CXCL13: variants seen among roughly 807,000 people sequenced by gnomAD.
CXCL13 encodes C-X-C motif chemokine ligand 13, also known as C-X-C motif chemokine 13.
CXCL13 carries 7 observed loss-of-function variants against 12.2 expected under a neutral mutation model. That is an observed-to-expected ratio of 0.57 (90% CI 0.33 to 1.07). The LOEUF (loss-of-function observed/expected upper bound fraction) is 1.07, where lower values mean the gene tolerates loss of function less well. Among genes scored for constraint, CXCL13 ranks in the 50% least tolerant of loss-of-function variants. CXCL13 has a pLI of 0.04. For missense variants in CXCL13, 113 were observed against 127.4 expected (o/e 0.89, Z 0.55); for synonymous variants, 47 against 42.4 (o/e 1.11, Z -0.42).
chr4:77,597,582 G>A (rs145640500), intron 1 of CXCL13, among the ~76,000 whole-genome samples: 3 of 152,126 alleles, frequency 2.0e-5, no homozygotes, highest in African/African-American at 7.2e-5. Flanking sequence ...AAGTAAAAAA[G>A]TTCTTTCCCA....
At chr4:77,518,227 AT>A (rs1482085029) in intron 1 of CXCL13, among the ~76,000 whole-genome samples, 2 of 151,818 alleles carry the variant, frequency 1.3e-5, no homozygotes, top group African/African-American at 4.8e-5. Flanking sequence ...TGCCCTTAAC[AT>A]TTTTTCCTTC....
chr4:77,521,152 C>G (rs180969294), intron 1 of CXCL13, among the ~76,000 whole-genome samples: 1 of 152,178 alleles, frequency 6.6e-6, no homozygotes, highest in African/African-American at 2.4e-5. Context: ...CACGGGTGTT[C>G]ATCAGGGATA....
chr4:77,512,604 T>G (rs1338239044), intron 1 of CXCL13, among the ~76,000 whole-genome samples: 1 of 152,122 alleles, frequency 6.6e-6, no homozygotes, highest in Non-Finnish European at 1.5e-5. Flanking sequence ...AGGACACCAG[T>G]CATATTGGAT....
At chr4:77,557,440 G>A (rs144369337) in intron 1 of CXCL13, among the ~76,000 whole-genome samples, 257 of 152,220 alleles carry the variant, frequency 1.7e-3, no homozygotes, top group Non-Finnish European at 3.1e-3. Context: ...AGAAACTGCC[G>A]TCAACCTCCC....
At chr4:77,559,443 C>T (rs1018102699) in intron 1 of CXCL13, among the ~76,000 whole-genome samples, 14 of 152,152 alleles carry the variant, frequency 9.2e-5, no homozygotes, top group Middle Eastern at 3.2e-3. Context: ...TGGATGTGGA[C>T]GACCTTGAGA....
At chr4:77,545,973 G>T (rs888767764) in intron 1 of CXCL13, among the ~76,000 whole-genome samples, 6 of 152,146 alleles carry the variant, frequency 3.9e-5, no homozygotes, top group African/African-American at 1.4e-4. Flanking sequence ...GTTGAATTTT[G>T]TTGTAGGTCT....
chr4:77,606,003 T>A, intron 1 of CXCL13, 74 bp downstream of exon 1: 1 of 1,061,332 alleles, frequency 9.4e-7, no homozygotes, highest in Non-Finnish European at 1.4e-6. Flanking sequence ...TTCTTTCGAT[T>A]AAAAACCGCA....
chr4:77,559,353 G>GA (rs111347029), intron 1 of CXCL13, among the ~76,000 whole-genome samples: 3 of 152,280 alleles, frequency 2.0e-5, no homozygotes, highest in African/African-American at 7.2e-5. Context: ...GGCCATTTCT[G>GA]AAAATGGAAT....
chr4:77,549,190 G>T (rs1177016247), intron 1 of CXCL13, among the ~76,000 whole-genome samples: 1 of 152,174 alleles, frequency 6.6e-6, no homozygotes, highest in Non-Finnish European at 1.5e-5. Flanking sequence ...GCTCCGTCAG[G>T]TCATTTAAGG....
chr4:77,519,511 G>A (rs1466756723), intron 1 of CXCL13, among the ~76,000 whole-genome samples: 1 of 152,160 alleles, frequency 6.6e-6, no homozygotes, highest in South Asian at 2.1e-4. Flanking sequence ...CTGCATAAAT[G>A]TCCTCTTTTG....
In CXCL13 at chr4:77,524,661, T is replaced by A. The variant is rs183342353; in HGVS notation, c.-43+12873T>A. On this transcript the variant is annotated intron_variant, in intron 1 of 4. Coordinates refer to the CXCL13 transcript ENST00000286758. The stretch of plus-strand genomic sequence containing the variant: ...TTGGCTAGGAAAGGGAAATCCCCTG[T>A]CCCCTTGCACTTCCCGGGTGAGGCT... Among the ~76,000 whole-genome samples, 1,153 of 152,168 alleles carry A rather than the reference T, an allele frequency of 7.6e-3. 14 individuals carry two copies. Among genetic ancestry groups the A allele is most frequent in the African/African-American group, 0.025 (1,041 of 41,472 alleles).
At chr4:77,512,774 T>A (rs1724306930) in intron 1 of CXCL13, among the ~76,000 whole-genome samples, 1 of 152,192 alleles carries the variant, frequency 6.6e-6, no homozygotes, top group Non-Finnish European at 1.5e-5. Flanking sequence ...TTAGTGTATA[T>A]TTTTTGTTAT....
chr4:77,593,656 G>T (rs573697128), intron 1 of CXCL13, among the ~76,000 whole-genome samples: 8 of 152,162 alleles, frequency 5.3e-5, no homozygotes, highest in Non-Finnish European at 8.8e-5. Context: ...TTTTATAGAT[G>T]AGAACATTTG....
At chr4:77,602,329 GGT>G (rs1726899033), upstream of CXCL13, among the ~76,000 whole-genome samples, 1 of 152,086 alleles carries the variant, frequency 6.6e-6, no homozygotes, top group Non-Finnish European at 1.5e-5. Context: ...ACTAAAATAA[GGT>G]ATCTATGCAT....
chr4:77,547,884 C>T (rs1197494079), intron 1 of CXCL13, among the ~76,000 whole-genome samples: 1 of 152,024 alleles, frequency 6.6e-6, no homozygotes, highest in Non-Finnish European at 1.5e-5. Context: ...TTTTTCCTTT[C>T]CATGGTTAGT....
At chr4:77,514,386 C>A (rs1204415815) in intron 1 of CXCL13, among the ~76,000 whole-genome samples, 6 of 145,090 alleles carry the variant, frequency 4.1e-5, no homozygotes, top group Non-Finnish European at 7.6e-5. Context: ...ACCACACTGA[C>A]TTCCACAATG....
At chr4:77,604,799 C>A (rs1726966740), upstream of CXCL13, among the ~76,000 whole-genome samples, 1 of 152,070 alleles carries the variant, frequency 6.6e-6, no homozygotes, top group Non-Finnish European at 1.5e-5. Context: ...TTAGCAAAAA[C>A]CAAATTGTTT....
At chr4:77,541,718 T>C (rs1725210213) in intron 1 of CXCL13, among the ~76,000 whole-genome samples, 1 of 152,152 alleles carries the variant, frequency 6.6e-6, no homozygotes, top group African/African-American at 2.4e-5. Context: ...TTGTTCCAAA[T>C]GAAGTTTAGA....
chr4:77,516,593 A>G (rs866199377), intron 1 of CXCL13, among the ~76,000 whole-genome samples: 7 of 152,080 alleles, frequency 4.6e-5, no homozygotes, highest in Non-Finnish European at 1.0e-4. Flanking sequence ...GTTTATTTGC[A>G]TAGAGGTGTT....
Sources: allele counts gnomAD v4.1 joint callset (sites outside exome capture counted in the v4.1 genomes callset), GRCh38; gene constraint gnomAD v4.1.1; transcripts MANE v1.5; gene names NCBI Gene and HGNC (gene_info 2026-07-23, HGNC 2026-07-21).